KIF20B: variants seen among roughly 807,000 people sequenced by gnomAD.
The protein encoded by KIF20B is kinesin family member 20B.
A neutral mutation model predicts 232.5 loss-of-function variants in KIF20B; 188 were observed. The observed-to-expected ratio is 0.81, with a 90% confidence interval of 0.72 to 0.91. KIF20B has a LOEUF of 0.91. Among genes scored for constraint, KIF20B ranks in the 40% least tolerant of loss-of-function variants. The pLI is 0.00. For missense variants in KIF20B, 2,154 were observed against 2,055.9 expected (o/e 1.05, Z -0.92); for synonymous variants, 712 against 683.0 (o/e 1.04, Z -0.66).
intron 22 of KIF20B, 33 bp from the exon 23 acceptor site, chr10:89,745,866 T>C: frequency 7.1e-7 from 1 of 1,413,922 alleles, no homozygotes; most frequent in Non-Finnish European, 1.0e-6. Context: ...TTTAAGTTAA[T>C]TTGCAATTAA....
intron 2 of KIF20B, among the ~76,000 whole-genome samples, chr10:89,706,109 A>G (rs529435850): frequency 6.6e-6 from 1 of 152,336 alleles, no homozygotes; most frequent in South Asian, 2.1e-4. Context: ...TGGCTATCCC[A>G]GCAGTGGCAA....
intron 19 of KIF20B, among the ~76,000 whole-genome samples, chr10:89,735,535 C>CTTTTTT (rs397947713): frequency 9.2e-5 from 10 of 108,154 alleles, no homozygotes; most frequent in African/African-American, 1.1e-4. Context: ...TAGTAAGTGT[C>CTTTTTT]TTTTTTTTTT....
rs148503567 is a variant in KIF20B at position 89,711,071 on chromosome 10, T to C, written c.601T>C (p.Tyr201His). ...MNLKPHRSRE[Y>H]LRLSSEQEKE... ...CCTTAAACCACATAGATCCAGAGAATACTTAAGGTTATCATCAGAACAAGA... is the reference window on the plus strand; with the variant it reads ...CCTTAAACCACATAGATCCAGAGAACACTTAAGGTTATCATCAGAACAAGA... The change falls in exon 6 of 33, where the codon TAC becomes CAC. Residue 201 changes from tyrosine (Y) to histidine (H), a missense_variant. Tyr to His is a moderately conservative substitution (Grantham distance 83, BLOSUM62 2). Coordinates refer to ENST00000371728, the MANE Select transcript of KIF20B (RefSeq NM_001284259.2). 4.9e-5 allele frequency: 78 copies of C among 1,604,972 alleles called. No individual in the cohort carries two copies. In the African/African-American group the frequency reaches 8.8e-4, roughly 18 times the overall value.
chr10:89,736,263 T>G (rs934333745), intron 19 of KIF20B, among the ~76,000 whole-genome samples: 1 of 152,194 alleles, frequency 6.6e-6, no homozygotes, highest in African/African-American at 2.4e-5. Flanking sequence ...CATCTGACCC[T>G]TAATGGAAAT....
intron 29 of KIF20B, among the ~76,000 whole-genome samples, chr10:89,764,274 A>G (rs934621591): frequency 5.3e-5 from 8 of 151,780 alleles, no homozygotes; most frequent in African/African-American, 1.9e-4. Flanking sequence ...TATGTGCCAC[A>G]TTTTCTTAAT....
chr10:89,736,950 T>G (rs7895379), intron 19 of KIF20B, among the ~76,000 whole-genome samples: 47,439 of 152,008 alleles, frequency 0.31, 8,384 homozygotes, highest in African/African-American at 0.47. Context: ...ATTGCTAATA[T>G]AGTAAAAGCC....
chr10:89,711,676 A>G (rs1390727169), intron 6 of KIF20B, among the ~76,000 whole-genome samples: 2 of 151,950 alleles, frequency 1.3e-5, no homozygotes, highest in Non-Finnish European at 2.9e-5. Flanking sequence ...TATGTATGAT[A>G]TAATTTTTTT....
At chr10:89,757,440 C>T (rs1261135657) in intron 26 of KIF20B, among the ~76,000 whole-genome samples, 2 of 151,744 alleles carry the variant, frequency 1.3e-5, no homozygotes, top group Non-Finnish European at 2.9e-5. Flanking sequence ...CTTTTTCTTT[C>T]TTACTGCCTT....
chr10:89,738,487 A>G lies in KIF20B; in HGVS notation c.3646A>G (p.Lys1216Glu), dbSNP rs149103168. The change falls in exon 20 of 33, where the codon AAA becomes GAA. Residue 1216 changes from lysine (K) to glutamate (E), a missense_variant. By Grantham distance (56) the Lys-to-Glu change is moderately conservative (BLOSUM62 1). Coordinates refer to ENST00000371728, the MANE Select transcript of KIF20B (RefSeq NM_001284259.2). Reference protein sequence around the residue: ...EHLQDSVKNTKDLNVKELKLK... With the variant: ...EHLQDSVKNTEDLNVKELKLK... ...TCTTCAGGATTCTGTCAAAAACACC[A>G]AAGATTTAAATGTAAAGGAACTCAA... is the stretch of plus-strand genomic sequence containing the variant. 1.0e-4 allele frequency: 166 copies of G among 1,606,370 alleles called. No individual in the cohort carries two copies. The highest frequency in any genetic ancestry group is 1.3e-4 in the Non-Finnish European group (154 of 1,177,138).
In KIF20B at chr10:89,715,198, T is replaced by C; in HGVS notation, c.940+16T>C. 6.8e-7 allele frequency: 1 copy of C among 1,476,310 alleles called. No homozygotes were observed. The highest frequency in any genetic ancestry group is 9.4e-7 in the Non-Finnish European group (1 of 1,068,254). The allele number at this position is 1,476,310 out of a possible 1,614,324, so 91.5% of individuals were successfully genotyped here. A position where few individuals can be genotyped will look rare whatever the true frequency, so the allele number is the denominator to read the frequency against. On this transcript the variant is annotated intron_variant, in intron 8 of 32. Coordinates refer to ENST00000371728, the MANE Select transcript of KIF20B (RefSeq NM_001284259.2). The stretch of plus-strand genomic sequence containing the variant: ...TTTATAAAAGGTATACTAATGAATA[T>C]TTTTATCTTATTGCTCTGAAGTTCT...
intron 19 of KIF20B, among the ~76,000 whole-genome samples, chr10:89,735,237 GT>G (rs1398586603): frequency 6.6e-6 from 1 of 152,066 alleles, no homozygotes; most frequent in African/African-American, 2.4e-5. Flanking sequence ...AAGATTATTT[GT>G]TTTCTATACC....
At chr10:89,725,215 T>C (rs1318246832) in intron 15 of KIF20B, 57 bp downstream of exon 15, 1 of 1,451,950 alleles carries the variant, frequency 6.9e-7, no homozygotes, top group African/African-American at 1.4e-5. Flanking sequence ...CAGGGTTTAG[T>C]GTACCACATC....
chr10:89,760,432 A>C, intron 27 of KIF20B, 94 bp from the exon 28 acceptor site: 1 of 760,438 alleles, frequency 1.3e-6, no homozygotes, highest in Non-Finnish European at 2.2e-6. Context: ...GTTTAGTTTC[A>C]TACAAATCTT....
At chr10:89,705,786 C>G (rs1368986915) in intron 2 of KIF20B, among the ~76,000 whole-genome samples, 1 of 152,152 alleles carries the variant, frequency 6.6e-6, no homozygotes, top group Non-Finnish European at 1.5e-5. Flanking sequence ...CTGTCTAGCT[C>G]TTTACAGAGA....
At chr10:89,762,506 T>C (rs1842263485) in intron 28 of KIF20B, 132 bp from the exon 29 acceptor site, 2 of 642,704 alleles carry the variant, frequency 3.1e-6, no homozygotes, top group East Asian at 2.8e-5. Flanking sequence ...CTTTCTGTTC[T>C]TGCTGTGATC....
At chr10:89,717,774 C>T (rs1842965502) in intron 11 of KIF20B, 52 bp downstream of exon 11, 1 of 1,332,438 alleles carries the variant, frequency 7.5e-7, no homozygotes, top group South Asian at 1.6e-5. Context: ...AATATTTAAA[C>T]TTTCAACTTT....
chr10:89,771,696 G>A (rs1376144890), intron 31 of KIF20B, among the ~76,000 whole-genome samples: 2 of 151,902 alleles, frequency 1.3e-5, no homozygotes, highest in Admixed American at 1.3e-4. Context: ...ACTGTAACTC[G>A]GTACTTTTCC....
chr10:89,770,562 T>C (rs1842442253), intron 31 of KIF20B, among the ~76,000 whole-genome samples: 1 of 152,030 alleles, frequency 6.6e-6, no homozygotes, highest in African/African-American at 2.4e-5. Context: ...CTTCATTGAC[T>C]TGGTTCCTTA....
At chr10:89,703,451 A>T (rs184047551) in intron 1 of KIF20B, among the ~76,000 whole-genome samples, 1 of 152,218 alleles carries the variant, frequency 6.6e-6, no homozygotes, top group East Asian at 1.9e-4. Context: ...AGGGGCCACC[A>T]TCTAGAGGGG....
Sources: allele counts gnomAD v4.1 joint callset (sites outside exome capture counted in the v4.1 genomes callset), GRCh38; gene constraint gnomAD v4.1.1; transcripts MANE v1.5; gene names NCBI Gene and HGNC (gene_info 2026-07-23, HGNC 2026-07-21).